Variants in MYO1B observed in about 807,000 individuals in gnomAD.
MYO1B encodes the protein myosin IB, also known as unconventional myosin-Ib.
Under a neutral mutation model 159.7 loss-of-function variants are expected in MYO1B, and 72 were observed. That is an observed-to-expected ratio of 0.45 (90% CI 0.37 to 0.55). The LOEUF (loss-of-function observed/expected upper bound fraction) is 0.55, where lower values mean the gene tolerates loss of function less well. Among genes scored for constraint, MYO1B ranks in the 20% least tolerant of loss-of-function variants. MYO1B has a pLI of 0.00. For missense variants in MYO1B, 1,062 were observed against 1,364.8 expected (o/e 0.78, Z 3.50); for synonymous variants, 468 against 473.8 (o/e 0.99, Z 0.16).
chr2:191,359,739 A>T (rs1299939952), intron 7 of MYO1B, among the ~76,000 whole-genome samples: 2 of 152,178 alleles, frequency 1.3e-5, no homozygotes, highest in Non-Finnish European at 2.9e-5. Flanking sequence ...GGGGACGTGA[A>T]ATTTGTGTGT....
intron 2 of MYO1B, among the ~76,000 whole-genome samples, chr2:191,292,530 A>C (rs886671602): frequency 1.3e-5 from 2 of 152,208 alleles, no homozygotes; most frequent in African/African-American, 4.8e-5. Context: ...TGTGAAGACC[A>C]AAGTTTTATC....
intron 28 of MYO1B, 55 bp from the exon 29 acceptor site, chr2:191,414,462 C>G: frequency 4.7e-6 from 7 of 1,494,328 alleles, no homozygotes; most frequent in African/African-American, 2.8e-5. Flanking sequence ...AACTCATGGA[C>G]CATTTTTGAG....
intron 20 of MYO1B, 111 bp from the exon 21 acceptor site, chr2:191,396,318 G>A (rs978641164): frequency 3.7e-6 from 4 of 1,076,916 alleles, no homozygotes; most frequent in African/African-American, 1.6e-5. Context: ...TCCAGAAGGA[G>A]TATGGATAAT....
intron 3 of MYO1B, among the ~76,000 whole-genome samples, chr2:191,297,881 C>T (rs183435053): frequency 1.3e-5 from 2 of 152,268 alleles, no homozygotes; most frequent in Admixed American, 6.5e-5. Flanking sequence ...AGGGATGCTG[C>T]TAAGCACCCT....
chr2:191,352,111 A>G (rs1425877757), intron 7 of MYO1B, among the ~76,000 whole-genome samples: 1 of 152,216 alleles, frequency 6.6e-6, no homozygotes, highest in African/African-American at 2.4e-5. Context: ...CAAACCACAT[A>G]CGATGTAACC....
chr2:191,362,193 G>C (rs549396853), intron 8 of MYO1B, 75 bp from the exon 9 acceptor site: 1 of 1,131,614 alleles, frequency 8.8e-7, no homozygotes, highest in South Asian at 1.3e-5. Context: ...ATGTGAACAA[G>C]ATATCAAAGG....
rs764502927 is a variant in MYO1B, at chr2:191,330,010, A to G, written c.327A>G (p.Glu109=). The G allele has an allele frequency of 6.2e-7, 1 of 1,612,056 alleles. No homozygotes were observed. The highest frequency in any genetic ancestry group is 8.5e-7 in the Non-Finnish European group (1 of 1,178,690). Residue 109 remains glutamate, a synonymous_variant, in exon 4 of 31, where the codon GAA becomes GAG. Coordinates refer to ENST00000392318, the MANE Select transcript of MYO1B (RefSeq NM_001130158.3). ...DKDQCILITG[E]SGAGKTEASK... The stretch of plus-strand genomic sequence containing the variant: ...ACCAATGTATTCTCATTACTGGGGA[A>G]AGTGGAGCAGGAAAAACAGGTAAGG...
Position 191,263,784 on chromosome 2 carries a change from A to G in MYO1B, c.-9-13103A>G, listed in dbSNP as rs189600917. The stretch of plus-strand genomic sequence containing the variant: ...AACTGTGTGTGGGGGTGTTGTCAGT[A>G]TGTCTCCTTATATAAATATATGAAG... On this transcript the variant is annotated intron_variant, in intron 1 of 30. Coordinates refer to ENST00000392318, the MANE Select transcript of MYO1B (RefSeq NM_001130158.3). 6 of 152,296 alleles carry G rather than the reference A, an allele frequency of 3.9e-5. No individual in the cohort carries two copies. In the East Asian group the frequency reaches 1.2e-3, roughly 29 times the overall value. 9.4% of individuals were successfully genotyped at this position (152,296 alleles called of 1,614,324 possible).
At chr2:191,302,479 A>G (rs1689395436) in intron 3 of MYO1B, among the ~76,000 whole-genome samples, 1 of 152,226 alleles carries the variant, frequency 6.6e-6, no homozygotes, top group Non-Finnish European at 1.5e-5. Context: ...CATGCAGTAT[A>G]ATGAGAATTT....
intron 1 of MYO1B, among the ~76,000 whole-genome samples, chr2:191,258,436 T>A (rs1369896096): frequency 1.3e-5 from 2 of 152,218 alleles, no homozygotes; most frequent in Non-Finnish European, 1.5e-5. Flanking sequence ...CCTAGGACGT[T>A]ACTGTACACT....
At chr2:191,252,591 G>A (rs970220830) in intron 1 of MYO1B, among the ~76,000 whole-genome samples, 3 of 152,174 alleles carry the variant, frequency 2.0e-5, no homozygotes, top group African/African-American at 7.2e-5. Flanking sequence ...ATGGCAGAAT[G>A]TTGCTATTGA....
chr2:191,392,031 G>C, intron 18 of MYO1B, 77 bp from the exon 19 acceptor site: 1 of 1,026,368 alleles, frequency 9.7e-7, no homozygotes, highest in Non-Finnish European at 1.5e-6. Context: ...ATACCACTGA[G>C]AACCTGATAC....
chr2:191,368,698 A>G (rs76945513), intron 11 of MYO1B, among the ~76,000 whole-genome samples: 16,904 of 152,216 alleles, frequency 0.11, 1,223 homozygotes, highest in East Asian at 0.17. Context: ...GTGGCCAGGC[A>G]TGGTGGCTCA....
chr2:191,418,790 G>T (rs908385476), intron 30 of MYO1B, among the ~76,000 whole-genome samples: 1 of 152,058 alleles, frequency 6.6e-6, no homozygotes, highest in Admixed American at 6.6e-5. Flanking sequence ...CGCCCAGCCT[G>T]TTCAGTGGAA....
chr2:191,299,948 A>G (rs1209377373), intron 3 of MYO1B, among the ~76,000 whole-genome samples: 2 of 152,234 alleles, frequency 1.3e-5, no homozygotes, highest in East Asian at 1.9e-4. Context: ...AATGAGAATT[A>G]TAGCAATTGT....
intron 30 of MYO1B, among the ~76,000 whole-genome samples, chr2:191,421,360 G>A (rs943475349): frequency 3.3e-5 from 5 of 152,098 alleles, no homozygotes; most frequent in Admixed American, 6.6e-5. Context: ...ATGATCCACC[G>A]TGCCTGGCCT....
intron 7 of MYO1B, chr2:191,350,470 G>A (rs1692839669): frequency 7.6e-6 from 2 of 264,868 alleles, no homozygotes; most frequent in Non-Finnish European, 1.4e-5. Context: ...AAATATTTGC[G>A]CTACTGTTTT....
chr2:191,383,448 TTATATATA>T (rs1209689273), intron 15 of MYO1B, 106 bp downstream of exon 15: 2 of 127,386 alleles, frequency 1.6e-5, no homozygotes, highest in South Asian at 4.0e-4. Flanking sequence ...TCACTGTTTT[TTATATATA>T]TATATATATA....
chr2:191,330,691 G>A (rs756829341), intron 4 of MYO1B, among the ~76,000 whole-genome samples: 4 of 152,170 alleles, frequency 2.6e-5, no homozygotes, highest in Non-Finnish European at 5.9e-5. Context: ...CCTTAGAAAC[G>A]TTTAAAGCTG....
Sources: gnomAD v4.1 joint callset for allele counts (sites outside exome capture counted in the v4.1 genomes callset) on GRCh38, gnomAD v4.1.1 for gene constraint, MANE v1.5 for transcripts, NCBI Gene and HGNC (gene_info 2026-07-23, HGNC 2026-07-21) for gene names.